The following CD34 variants were observed in gnomAD, a reference collection of about 807,000 sequenced individuals.
CD34 encodes CD34 molecule.
CD34 carries 34 observed loss-of-function variants against 40.1 expected under a neutral mutation model. That is an observed-to-expected ratio of 0.85 (90% CI 0.65 to 1.13). The LOEUF (loss-of-function observed/expected upper bound fraction) is 1.13. Ranked by LOEUF, CD34 falls within the 50% of genes most tolerant of loss-of-function variation. CD34 has a pLI of 0.00. For synonymous variants in CD34, 209 were observed against 190.0 expected (o/e 1.10, Z -0.82); for missense variants, 426 against 466.9 (o/e 0.91, Z 0.81).
At position 207,889,477 on chromosome 1, in the gene CD34, C is replaced by A. The variant is rs1306462657; in HGVS notation, c.742G>T (p.Ala248Ser). Residue 248 changes from alanine to serine, a missense_variant, in exon 5 of 8, where the codon GCC becomes TCC. By Grantham distance (99) the Ala-to-Ser change is moderately conservative. Transcript: ENST00000310833. ...VRPQCLLLVLANRTEISSKLQ... is the reference protein window; with the variant it reads ...VRPQCLLLVLSNRTEISSKLQ... ...AGGTGCACCTTACCTGTTCTGTTGG[C>A]CAAGACCAGCAGTAGACACTGAGGC... 2.5e-6 allele frequency: 4 copies of A among 1,612,266 alleles called. No homozygotes were observed. The Admixed American group carries it at 5.0e-5, about 20-fold the overall frequency.
intron 1 of CD34, 22 bp downstream of exon 1, chr1:207,910,980 G>A (rs1018669223): frequency 6.4e-6 from 10 of 1,561,834 alleles, no homozygotes; most frequent in Non-Finnish European, 6.9e-6. Context: ...CCAAGCGGCC[G>A]CGGCGCGCGG....
chr1:207,896,717 C>G (rs955881017), intron 4 of CD34, among the ~76,000 whole-genome samples: 2 of 151,014 alleles, frequency 1.3e-5, no homozygotes, highest in African/African-American at 4.9e-5. Flanking sequence ...AATTACAATT[C>G]AAATTTTAAA....
Position 207,884,954 on chromosome 1 carries a change from G to C in CD34, c.*2784C>G, listed in dbSNP as rs1032550580. 1.3e-5 allele frequency: 2 copies of C among 152,094 alleles called. No individual in the cohort carries two copies. The highest frequency in any genetic ancestry group is 2.4e-5 in the African/African-American group (1 of 41,386). The allele number at this position is 152,094 out of a possible 1,614,324, so 9.4% of individuals were successfully genotyped here. A position where few individuals can be genotyped will look rare whatever the true frequency, so the allele number is the denominator to read the frequency against. Reference sequence around the variant, plus strand: ...CCAACTGGAGTAACACGGAGGACTCGGCAGAAGAGTAGGATGATATGATGG... The same window carrying C: ...CCAACTGGAGTAACACGGAGGACTCCGCAGAAGAGTAGGATGATATGATGG... On this transcript the variant is annotated 3_prime_UTR_variant, in exon 8 of 8. Transcript: ENST00000310833.
Position 207,887,864 on chromosome 1 carries a change from C to G in CD34, c.1032G>C (p.Gly344=). ...CCTTTCCCTGAGCCTCAGGGGAGGT[C>G]CCAGGTCCTGAGCTATAGCCCTGGC... The part of the protein sequence containing the change: ...GGGQGYSSGP[G]TSPEAQGKAS... Residue 344 remains glycine, a synonymous_variant, in exon 8 of 8, where the codon GGG becomes GGC. Transcript: ENST00000310833. The G allele has an allele frequency of 6.2e-7, 1 of 1,614,184 alleles. No homozygotes were observed. Among genetic ancestry groups the G allele is most frequent in the African/African-American group, 1.3e-5 (1 of 75,046 alleles).
At chr1:207,903,173 G>A (rs1662311711) in intron 1 of CD34, among the ~76,000 whole-genome samples, 1 of 152,224 alleles carries the variant, frequency 6.6e-6, no homozygotes, top group South Asian at 2.1e-4. Context: ...TAGGTTCACA[G>A]TCTCTAGAGC....
chr1:207,893,282 G>C (rs1571770545), intron 4 of CD34, among the ~76,000 whole-genome samples: 2 of 152,280 alleles, frequency 1.3e-5, no homozygotes, highest in South Asian at 4.2e-4. Flanking sequence ...TGGGGACGGA[G>C]ATGGGGGTGA....
rs1661860185 is a variant in CD34, at chr1:207,884,343, T to C, written c.*3395A>G. On this transcript the variant is annotated 3_prime_UTR_variant, in exon 8 of 8. Transcript: ENST00000310833. ...AAACACATGTATATACTTACTGAGA[T>C]GACATTGTTTACTGTCCTCTTCTGC... 1 of 152,264 alleles carries C rather than the reference T, an allele frequency of 6.6e-6. No homozygotes were observed. The allele number at this position is 152,264 out of a possible 1,614,324, so 9.4% of individuals were successfully genotyped here. A position where few individuals can be genotyped will look rare whatever the true frequency, so the allele number is the denominator to read the frequency against.
rs866533544 is a variant in CD34, at chr1:207,885,037, C to T, written c.*2701G>A. On this transcript the variant is annotated 3_prime_UTR_variant, in exon 8 of 8. Coordinates refer to ENST00000310833, the MANE Select transcript of CD34 (RefSeq NM_001025109.2). The stretch of plus-strand genomic sequence containing the variant: ...TCTGGGTGATTGGGCAAGCCACCTC[C>T]CTTCTCTGAGCCTTAGTTTGTCTTT... The T allele has an allele frequency of 2.0e-5, 3 of 152,192 alleles. No individual in the cohort carries two copies. The highest frequency in any genetic ancestry group is 6.5e-5 in the Admixed American group (1 of 15,286). 9.4% of individuals were successfully genotyped at this position (152,192 alleles called of 1,614,324 possible).
Position 207,908,171 on chromosome 1 carries a change from C to T in CD34, c.79+2831G>A, listed in dbSNP as rs868129175. 3.9e-5 allele frequency among the ~76,000 whole-genome samples: 6 copies of T among 152,180 alleles called. No individual in the cohort carries two copies. In the South Asian group the frequency reaches 1.2e-3, roughly 32 times the overall value. Reference sequence around the variant, plus strand: ...TCTGCTGCAGTTTGGCACTTCTTGCCCTAAGCTTTTTGAGACAAAGATTGC... The same window carrying T: ...TCTGCTGCAGTTTGGCACTTCTTGCTCTAAGCTTTTTGAGACAAAGATTGC... On this transcript the variant is annotated intron_variant, in intron 1 of 7. Transcript: ENST00000310833.
intron 4 of CD34, among the ~76,000 whole-genome samples, chr1:207,896,093 G>A (rs1319411824): frequency 6.6e-6 from 1 of 152,168 alleles, no homozygotes; most frequent in Non-Finnish European, 1.5e-5. Context: ...TAAAACTACC[G>A]AGTTAGAATG....
chr1:207,888,221 T>C lies in CD34; in HGVS notation c.973-298A>G, dbSNP rs551530450. On this transcript the variant is annotated intron_variant, in intron 7 of 7. Transcript: ENST00000310833. ...CAGTTCCAAGAAGGGTGGGATGACCTCCCCAGGGTAGGGGACAGGCCAGAG... is the reference window on the plus strand; with the variant it reads ...CAGTTCCAAGAAGGGTGGGATGACCCCCCCAGGGTAGGGGACAGGCCAGAG... 58 of 1,227,914 alleles carry C rather than the reference T, an allele frequency of 4.7e-5. 1 individual carries two copies. In the South Asian group the frequency reaches 6.9e-4, roughly 15 times the overall value. 76.1% of individuals were successfully genotyped at this position (1,227,914 alleles called of 1,614,324 possible).
chr1:207,901,285 G>T (rs542914567), intron 1 of CD34, among the ~76,000 whole-genome samples: 24 of 152,170 alleles, frequency 1.6e-4, no homozygotes, highest in Middle Eastern at 3.2e-3. Flanking sequence ...CTCTCTTCTA[G>T]GTCATACTGT....
rs1374940875 is a variant in CD34 at position 207,899,170 on chromosome 1, T to C, written c.319A>G (p.Asn107Asp). The change falls in exon 3 of 8, where the codon AAC (asparagine) becomes GAC (aspartate). Residue 107 changes from asparagine (N) to aspartate (D), a missense_variant. Coordinates refer to ENST00000310833, the MANE Select transcript of CD34 (RefSeq NM_001025109.2). ...GAGGTCTGTGACTGGACAGAAGAGT[T>C]TGTGTTTCCATAAACTGAGGTTATC... ...SVITSVYGNT[N>D]SSVQSQTSVI... is the part of the protein sequence containing the mutation. 7.4e-6 allele frequency: 12 copies of C among 1,614,062 alleles called. No individual in the cohort carries two copies. Among genetic ancestry groups the C allele is most frequent in the East Asian group, 2.2e-5 (1 of 44,898 alleles).
rs768640209 is a variant in CD34 at position 207,887,746 on chromosome 1, C to G, written c.1150G>C (p.Glu384Gln). Residue 384 changes from glutamate to glutamine, a missense_variant, in exon 8 of 8, where the codon GAA becomes CAA. Physicochemically the swap from Glu to Gln is conservative, Grantham distance 29 (BLOSUM62 2). Coordinates refer to ENST00000310833, the MANE Select transcript of CD34 (RefSeq NM_001025109.2). Reference sequence around the variant, plus strand: ...TGCCCCACCTAGCCGAGTCACAATTCGGTATCAGCCACCACGTGTTGTCTT... The same window carrying G: ...TGCCCCACCTAGCCGAGTCACAATTGGGTATCAGCCACCACGTGTTGTCTT... The part of the protein sequence containing the change: ...SARQHVVADT[E>Q]L 6.2e-7 allele frequency: 1 copy of G among 1,614,132 alleles called. No individual in the cohort carries two copies. Among genetic ancestry groups the G allele is most frequent in the Non-Finnish European group, 8.5e-7 (1 of 1,180,018 alleles).
At chr1:207,902,325 T>G (rs1662287423) in intron 1 of CD34, among the ~76,000 whole-genome samples, 1 of 152,234 alleles carries the variant, frequency 6.6e-6, no homozygotes, top group South Asian at 2.1e-4. Flanking sequence ...AGGCTGGGTC[T>G]AAACTGCCAA....
chr1:207,903,339 C>A (rs1048071681), intron 1 of CD34, among the ~76,000 whole-genome samples: 3 of 152,168 alleles, frequency 2.0e-5, no homozygotes, highest in Admixed American at 6.5e-5. Flanking sequence ...CAGGAGCCTA[C>A]CAGTCAGTGA....
rs1662208106 is a variant in CD34, at chr1:207,898,956, T to C, written c.516+17A>G. The C allele has an allele frequency of 3.7e-6, 6 of 1,613,210 alleles. No homozygotes were observed. The South Asian group carries it at 6.6e-5, about 18-fold the overall frequency. ...GAAGTGAGGGGCAATCTGCCATTTT[T>C]GGCCCAATTCACCCACCTTGATGTC... On this transcript the variant is annotated intron_variant, in intron 3 of 7. Transcript: ENST00000310833.
rs572675076 is a variant in CD34 at position 207,898,141 on chromosome 1, G to T, written c.517-568C>A. Among the ~76,000 whole-genome samples the T allele has an allele frequency of 1.7e-4, 26 of 152,000 alleles. No homozygotes were observed. The East Asian group carries it at 4.8e-3, about 28-fold the overall frequency. On this transcript the variant is annotated intron_variant, in intron 3 of 7. Coordinates refer to ENST00000310833, the MANE Select transcript of CD34 (RefSeq NM_001025109.2). ...GCTCACTGCAACCTCCACCTCCCTGGTTCAAGTGATTCTCTTGCCTCAGCC... is the reference window on the plus strand; with the variant it reads ...GCTCACTGCAACCTCCACCTCCCTGTTTCAAGTGATTCTCTTGCCTCAGCC...
At chr1:207,892,032 G>A (rs1662048154) in intron 4 of CD34, among the ~76,000 whole-genome samples, 1 of 152,022 alleles carries the variant, frequency 6.6e-6, no homozygotes, top group African/African-American at 2.4e-5. Context: ...CCCAAGATGG[G>A]GACAGCATGC....
Sources: allele counts gnomAD v4.1 joint callset (sites outside exome capture counted in the v4.1 genomes callset), GRCh38; gene constraint gnomAD v4.1.1; transcripts MANE v1.5; gene names NCBI Gene and HGNC (gene_info 2026-07-23, HGNC 2026-07-21).